DAB1: variants seen among roughly 807,000 people sequenced by gnomAD.
DAB1 encodes the protein disabled homolog 1.
Under a neutral mutation model 64.6 loss-of-function variants are expected in DAB1, and 15 were observed. The observed-to-expected ratio is 0.23, with a 90% CI of 0.16 to 0.36. The LOEUF is 0.36. Among genes scored for constraint, DAB1 ranks in the 10% least tolerant of loss-of-function variants. The pLI is 1.00. For synonymous variants in DAB1, 235 were observed against 251.9 expected, an observed-to-expected ratio of 0.93 and a Z score of 0.64; for missense variants, 596 against 706.7, an observed-to-expected ratio of 0.84 and a Z score of 1.78.
chr1:57,083,464 A>G (rs1652754458), intron 4 of DAB1, among the ~76,000 whole-genome samples: 1 of 152,216 alleles, frequency 6.6e-6, no homozygotes, highest in African/African-American at 2.4e-5. Flanking sequence ...TAAAATTATT[A>G]TAGAAAGCAG....
chr1:58,017,908 A>G (rs1363060995), intron 5 of DAB1, among the ~76,000 whole-genome samples: 1 of 152,220 alleles, frequency 6.6e-6, no homozygotes, highest in Non-Finnish European at 1.5e-5. Context: ...TTGAGGCTGC[A>G]GCCCAGCACT....
At chr1:58,489,034 A>T (rs1645627308) in intron 3 of DAB1, among the ~76,000 whole-genome samples, 1 of 152,194 alleles carries the variant, frequency 6.6e-6, no homozygotes, top group Non-Finnish European at 1.5e-5. Flanking sequence ...AAGACGAACG[A>T]TTTCTCCATT....
At position 57,441,528 on chromosome 1, in the gene DAB1, T is replaced by A. The variant is rs529718113; in HGVS notation, n.626-150362A>T. 1.0e-3 allele frequency among the ~76,000 whole-genome samples: 157 copies of A among 152,024 alleles called. 1 individual carries two copies. Among genetic ancestry groups the A allele is most frequent in the Middle Eastern group, 3.4e-3 (1 of 294 alleles). On this transcript the variant is annotated intron_variant and non_coding_transcript_variant, in intron 7 of 20. Coordinates refer to the DAB1 transcript ENST00000485760. Reference sequence around the variant, plus strand: ...CACCACCACACCTGCCTAATTTTTGTATTTTTGTAGAGACGGGGCTTTTCC... The same window carrying A: ...CACCACCACACCTGCCTAATTTTTGAATTTTTGTAGAGACGGGGCTTTTCC...
chr1:57,048,409 ATAGGCTCCAACTAAC>A (rs1374233667), intron 9 of DAB1, among the ~76,000 whole-genome samples: 1 of 152,262 alleles, frequency 6.6e-6, no homozygotes, highest in Non-Finnish European at 1.5e-5. Context: ...GCTAATAAGT[ATAGGCTCCAACTAAC>A]TTCAAATTTC....
intron 7 of DAB1, among the ~76,000 whole-genome samples, chr1:57,621,547 G>A (rs1645859621): frequency 6.6e-6 from 1 of 151,882 alleles, no homozygotes; most frequent in Non-Finnish European, 1.5e-5. Context: ...CCCTAAGAGG[G>A]TTTAGGCTGG....
At chr1:57,688,445 G>C (rs749852743) in intron 6 of DAB1, among the ~76,000 whole-genome samples, 1 of 152,168 alleles carries the variant, frequency 6.6e-6, no homozygotes, top group African/African-American at 2.4e-5. Context: ...GGAGAAAAGG[G>C]AATGCTTATA....
At chr1:57,150,883 T>C (rs920736714) in intron 2 of DAB1, among the ~76,000 whole-genome samples, 2 of 152,184 alleles carry the variant, frequency 1.3e-5, no homozygotes, top group Non-Finnish European at 2.9e-5. Flanking sequence ...GAGCCTATAC[T>C]GGTGGAGTGC....
chr1:58,005,486 A>C (rs765084956), intron 5 of DAB1, among the ~76,000 whole-genome samples: 70 of 152,050 alleles, frequency 4.6e-4, no homozygotes, highest in Non-Finnish European at 1.3e-4. Flanking sequence ...TACAACTGCA[A>C]CTTTAAGGGA....
At chr1:58,355,175 G>A (rs731162) in intron 3 of DAB1, among the ~76,000 whole-genome samples, 70,308 of 151,994 alleles carry the variant, frequency 0.46, 16,747 homozygotes, top group East Asian at 0.59. Flanking sequence ...ACTTAAAAAT[G>A]CAATTGAGGG....
intron 4 of DAB1, among the ~76,000 whole-genome samples, chr1:58,280,286 G>A (rs534914274): frequency 6.6e-6 from 1 of 152,246 alleles, no homozygotes; most frequent in South Asian, 2.1e-4. Flanking sequence ...CTGATCTCCT[G>A]TCTCTTTCTG....
chr1:57,879,817 C>T (rs922054123), intron 1 of DAB1, among the ~76,000 whole-genome samples: 1 of 152,174 alleles, frequency 6.6e-6, no homozygotes, highest in African/African-American at 2.4e-5. Context: ...ATCCCCAGAA[C>T]AAGCCCATTG....
chr1:57,384,291 C>T (rs1436656969), intron 1 of DAB1, among the ~76,000 whole-genome samples: 2 of 152,134 alleles, frequency 1.3e-5, no homozygotes, highest in Admixed American at 1.3e-4. Context: ...GAAACTGGAA[C>T]CCTGCAAACC....
intron 14 of DAB1, among the ~76,000 whole-genome samples, chr1:57,008,944 G>T (rs778921360): frequency 6.6e-6 from 1 of 152,202 alleles, no homozygotes; most frequent in African/African-American, 2.4e-5. Flanking sequence ...CAGCTCAGCT[G>T]TGGCTTGGGG....
chr1:57,991,925 G>GCC (rs991685440), intron 5 of DAB1, among the ~76,000 whole-genome samples: 18 of 150,942 alleles, frequency 1.2e-4, no homozygotes, highest in Non-Finnish European at 2.5e-4. Flanking sequence ...GAGATTGGAT[G>GCC]CCCGAGTTGA....
At chr1:58,013,830 A>C (rs1646702476) in intron 5 of DAB1, among the ~76,000 whole-genome samples, 1 of 152,176 alleles carries the variant, frequency 6.6e-6, no homozygotes, top group East Asian at 1.9e-4. Context: ...TTACACCACA[A>C]AAACAGGCAA....
At chr1:58,279,242 G>A (rs953611793) in intron 4 of DAB1, among the ~76,000 whole-genome samples, 2 of 152,214 alleles carry the variant, frequency 1.3e-5, no homozygotes, top group African/African-American at 4.8e-5. Context: ...GACAATAAAA[G>A]ATAATGCCAC....
chr1:57,109,166 TG>T (rs1395742865), intron 4 of DAB1, among the ~76,000 whole-genome samples: 2 of 152,158 alleles, frequency 1.3e-5, no homozygotes, highest in African/African-American at 4.8e-5. Flanking sequence ...GGGGCCTCTT[TG>T]GAGAAGCAGG....
intron 4 of DAB1, among the ~76,000 whole-genome samples, chr1:57,100,663 TAA>T (rs1390349293): frequency 1.3e-5 from 2 of 151,246 alleles, no homozygotes; most frequent in East Asian, 3.9e-4. Context: ...GAGAAGTTCC[TAA>T]TTCCGCCTAG....
chr1:57,537,130 A>G (rs562246548), intron 7 of DAB1, among the ~76,000 whole-genome samples: 2 of 152,346 alleles, frequency 1.3e-5, no homozygotes, highest in South Asian at 4.1e-4. Context: ...CATTCAAATT[A>G]ACTTTACTTG....
Sources: gnomAD v4.1 joint callset for allele counts (sites outside exome capture counted in the v4.1 genomes callset) on GRCh38, gnomAD v4.1.1 for gene constraint, MANE v1.5 for transcripts, NCBI Gene and HGNC (gene_info 2026-07-23, HGNC 2026-07-21) for gene names.